SREK1IP1: variants seen among roughly 807,000 people sequenced by gnomAD.
The protein encoded by SREK1IP1 is protein SREK1IP1.
In SREK1IP1, 12 loss-of-function variants were observed where a neutral mutation model predicts 22.8. The observed-to-expected ratio is 0.53, with a 90% CI of 0.34 to 0.85. The LOEUF (loss-of-function observed/expected upper bound fraction) is 0.85. Ranked by LOEUF, SREK1IP1 falls within the 40% of genes least tolerant of loss-of-function variation. SREK1IP1 has a pLI of 0.02. For missense variants in SREK1IP1, 147 were observed against 171.8 expected, an observed-to-expected ratio of 0.86 and a Z score of 0.81; for synonymous variants, 53 against 52.7, an observed-to-expected ratio of 1.01 and a Z score of -0.02.
At chr5:64,734,703 C>T (rs1193854388) in intron 3 of SREK1IP1, among the ~76,000 whole-genome samples, 12 of 110,198 alleles carry the variant, frequency 1.1e-4, no homozygotes, top group Non-Finnish European at 4.9e-5. Flanking sequence ...AAAATTTTAA[C>T]TTGATTGTTC....
rs115931167 is a variant in SREK1IP1, at chr5:64,733,332, G to A, written c.206-5153C>T. Among the ~76,000 whole-genome samples, 346 of 152,118 alleles carry A rather than the reference G, an allele frequency of 2.3e-3. 2 individuals are homozygous for A. Among genetic ancestry groups the A allele is most frequent in the African/African-American group, 7.9e-3 (329 of 41,532 alleles). On this transcript the variant is annotated intron_variant, in intron 3 of 4. Transcript: ENST00000513458. ...AGAATGGTATAAAGAATATCAACAT[G>A]TATAAAGAACATACAAAATATACAC...
chr5:64,751,039 G>A (rs924257013), intron 2 of SREK1IP1, among the ~76,000 whole-genome samples: 5 of 150,830 alleles, frequency 3.3e-5, no homozygotes, highest in Non-Finnish European at 7.4e-5. Flanking sequence ...CCACCACTCA[G>A]GCCTGAATCT....
At chr5:64,758,606 T>C (rs565600051) in intron 1 of SREK1IP1, among the ~76,000 whole-genome samples, 11 of 152,320 alleles carry the variant, frequency 7.2e-5, no homozygotes, top group African/African-American at 2.4e-4. Flanking sequence ...ATAGAAACTG[T>C]AGATGCTAAA....
chr5:64,719,801 T>C lies in SREK1IP1; in HGVS notation c.*4583A>G, dbSNP rs1478670333. 1 of 152,202 alleles carries C rather than the reference T, an allele frequency of 6.6e-6. No individual in the cohort carries two copies. The highest frequency in any genetic ancestry group is 1.5e-5 in the Non-Finnish European group (1 of 68,064). 9.4% of individuals were successfully genotyped at this position (152,202 alleles called of 1,614,324 possible). On this transcript the variant is annotated 3_prime_UTR_variant, in exon 5 of 5. Transcript: ENST00000513458. Reference sequence around the variant, plus strand: ...CCCAATTCTCTGCCACTCTACCTATTTTTAGAGGAGTTGGGAGGAGATACT... The same window carrying C: ...CCCAATTCTCTGCCACTCTACCTATCTTTAGAGGAGTTGGGAGGAGATACT...
chr5:64,757,214 T>C (rs1000883088), intron 1 of SREK1IP1, among the ~76,000 whole-genome samples: 3 of 152,176 alleles, frequency 2.0e-5, no homozygotes, highest in African/African-American at 4.8e-5. Context: ...CTGGGCAACA[T>C]AGTGAGACCA....
chr5:64,739,734 T>G (rs75428896), intron 3 of SREK1IP1, among the ~76,000 whole-genome samples: 1 of 152,006 alleles, frequency 6.6e-6, no homozygotes, highest in South Asian at 2.1e-4. Context: ...AAAGTGTGTG[T>G]ATTCAATCAA....
chr5:64,723,669 G>C lies in SREK1IP1; in HGVS notation c.*715C>G, dbSNP rs930786990. On this transcript the variant is annotated 3_prime_UTR_variant, in exon 5 of 5. Coordinates refer to ENST00000513458, the MANE Select transcript of SREK1IP1 (RefSeq NM_173829.4). ...CATCATCTCTGCAGACTTACTAACA[G>C]GCTGAACTAATCTCTTTATACAAGA... The C allele has an allele frequency of 6.6e-6, 1 of 152,422 alleles. No individual in the cohort carries two copies. The highest frequency in any genetic ancestry group is 1.5e-5 in the Non-Finnish European group (1 of 68,004). 9.4% of individuals were successfully genotyped at this position (152,422 alleles called of 1,614,324 possible).
chr5:64,735,030 T>G (rs1742436529), intron 3 of SREK1IP1, among the ~76,000 whole-genome samples: 1 of 152,104 alleles, frequency 6.6e-6, no homozygotes, highest in South Asian at 2.1e-4. Context: ...AAGTATGATG[T>G]AACATTTTGG....
In SREK1IP1 at chr5:64,741,049, T is replaced by C. The variant is rs1356072210; in HGVS notation, c.205+8A>G. 2.5e-6 allele frequency: 4 copies of C among 1,605,842 alleles called. No individual in the cohort carries two copies. Among genetic ancestry groups the C allele is most frequent in the Middle Eastern group, 4.2e-4 (2 of 4,714 alleles). On this transcript the variant is annotated splice_region_variant and intron_variant, in intron 3 of 4. Transcript: ENST00000513458. Reference sequence around the variant, plus strand: ...CATTTCTAAAGAATGGAAAAAAATATTGCTTACTTTTTTCCTGTAATGCCT... The same window carrying C: ...CATTTCTAAAGAATGGAAAAAAATACTGCTTACTTTTTTCCTGTAATGCCT...
At chr5:64,759,873 T>C (rs1414738888) in intron 1 of SREK1IP1, among the ~76,000 whole-genome samples, 2 of 152,132 alleles carry the variant, frequency 1.3e-5, no homozygotes, top group Admixed American at 6.5e-5. Context: ...CTCTCATACA[T>C]TGCTGGCAGG....
At chr5:64,728,310 T>C (rs890438013) in intron 3 of SREK1IP1, 131 bp from the exon 4 acceptor site, 4 of 909,684 alleles carry the variant, frequency 4.4e-6, no homozygotes, top group South Asian at 4.4e-5. Context: ...GTAATAATTT[T>C]CCCCTTTCTT....
chr5:64,767,414 T>C (rs1344272896), intron 1 of SREK1IP1, among the ~76,000 whole-genome samples: 1 of 152,206 alleles, frequency 6.6e-6, no homozygotes, highest in Non-Finnish European at 1.5e-5. Flanking sequence ...GTATTTCCAA[T>C]GCCCAGTACC....
intron 2 of SREK1IP1, among the ~76,000 whole-genome samples, chr5:64,745,115 C>T (rs1315684825): frequency 6.6e-6 from 1 of 152,218 alleles, no homozygotes; most frequent in Non-Finnish European, 1.5e-5. Context: ...ATTCCCTGCT[C>T]TGACTTTGAG....
In SREK1IP1 at chr5:64,722,648, A is replaced by G. The variant is rs1408550120; in HGVS notation, c.*1736T>C. ...GCAAAGGCAAAACAAATCCCTAAAA[A>G]CCTACTGGCTCTGTATTTTTTCTCC... On this transcript the variant is annotated 3_prime_UTR_variant, in exon 5 of 5. Transcript: ENST00000513458. 6.6e-6 allele frequency: 1 copy of G among 152,146 alleles called. No homozygotes were observed. The allele number at this position is 152,146 out of a possible 1,614,324, so 9.4% of individuals were successfully genotyped here. A position where few individuals can be genotyped will look rare whatever the true frequency, so the allele number is the denominator to read the frequency against.
intron 2 of SREK1IP1, among the ~76,000 whole-genome samples, chr5:64,747,768 A>G (rs568767446): frequency 1.3e-5 from 2 of 152,168 alleles, no homozygotes; most frequent in South Asian, 4.1e-4. Flanking sequence ...CTATACTAAA[A>G]ATATAAAAAA....
chr5:64,735,523 C>CTGTT (rs1333520963), intron 3 of SREK1IP1, among the ~76,000 whole-genome samples: 2 of 152,090 alleles, frequency 1.3e-5, no homozygotes, highest in African/African-American at 4.8e-5. Context: ...AGTTTTTAAA[C>CTGTT]TAAACATTTA....
chr5:64,719,111 A>G lies in SREK1IP1; in HGVS notation c.*5273T>C, dbSNP rs780463282. 63 of 152,360 alleles carry G rather than the reference A, an allele frequency of 4.1e-4. No individual in the cohort carries two copies. The highest frequency in any genetic ancestry group is 9.1e-4 in the Non-Finnish European group (62 of 68,032). 9.4% of individuals were successfully genotyped at this position (152,360 alleles called of 1,614,324 possible). On this transcript the variant is annotated 3_prime_UTR_variant, in exon 5 of 5. Coordinates refer to ENST00000513458, the MANE Select transcript of SREK1IP1 (RefSeq NM_173829.4). ...AAGAGAAGTTTCTGTGATGATGGAA[A>G]TGTTCTTTCTATATCTGCACTAATA...
rs556601223 is a variant in SREK1IP1, at chr5:64,744,217, C to A, written c.62-3017G>T. Among the ~76,000 whole-genome samples, 493 of 152,142 alleles carry A rather than the reference C, an allele frequency of 3.2e-3. 2 individuals are homozygous for A. The highest frequency in any genetic ancestry group is 0.017 in the Middle Eastern group (5 of 294). On this transcript the variant is annotated intron_variant, in intron 2 of 4. Transcript: ENST00000513458. ...TCCCAAGCGCAGGTAGGGCACCATG[C>A]ATAAGAGAACAATGAAGGGAAAGGG...
At chr5:64,726,404 T>G (rs1379528678) in intron 4 of SREK1IP1, among the ~76,000 whole-genome samples, 1 of 151,806 alleles carries the variant, frequency 6.6e-6, no homozygotes, top group Non-Finnish European at 1.5e-5. Flanking sequence ...TGAAACCCTG[T>G]CTGTACTAAA....
Sources: allele counts gnomAD v4.1 joint callset (sites outside exome capture counted in the v4.1 genomes callset), GRCh38; gene constraint gnomAD v4.1.1; transcripts MANE v1.5; gene names NCBI Gene and HGNC (gene_info 2026-07-23, HGNC 2026-07-21).